Variants in RBFOX1 observed in about 807,000 individuals in gnomAD.
RBFOX1 encodes RNA binding protein fox-1 homolog 1.
RBFOX1 carries 8 observed loss-of-function variants against 57.7 expected under a neutral mutation model. The ratio of observed to expected loss-of-function variants is 0.14; its 90% CI spans 0.08 to 0.25. The LOEUF is 0.25. Ranked by LOEUF, RBFOX1 falls within the 10% of genes least tolerant of loss-of-function variation. The pLI is 1.00. For missense variants in RBFOX1, 611 were observed against 548.5 expected, an observed-to-expected ratio of 1.11 and a Z score of -1.14; for synonymous variants, 326 against 222.4, an observed-to-expected ratio of 1.47 and a Z score of -4.15.
intron 3 of RBFOX1, among the ~76,000 whole-genome samples, chr16:6,660,356 A>T (rs2098693355): frequency 6.6e-6 from 1 of 152,302 alleles, no homozygotes. Context: ...GATTACTTAT[A>T]TAACAAACCT....
intron 3 of RBFOX1, among the ~76,000 whole-genome samples, chr16:6,915,553 T>C (rs1445784186): frequency 0.045 from 915 of 20,254 alleles, 5 homozygotes; most frequent in Middle Eastern, 0.071. Flanking sequence ...CACCCCCCTT[T>C]TTTTTTTTTT....
intron 1 of RBFOX1, among the ~76,000 whole-genome samples, chr16:5,253,912 A>G (rs535172626): frequency 6.6e-6 from 1 of 152,250 alleles, no homozygotes; most frequent in Admixed American, 6.5e-5. Context: ...TCCTCAGGGA[A>G]GCCTGGCCAC....
intron 2 of RBFOX1, among the ~76,000 whole-genome samples, chr16:5,540,326 T>C (rs1002323535): frequency 6.6e-6 from 1 of 152,124 alleles, no homozygotes; most frequent in East Asian, 1.9e-4. Context: ...TTGGAAAAAA[T>C]TGGCATAGAC....
At chr16:6,059,686 C>G (rs1481271176) in intron 1 of RBFOX1, among the ~76,000 whole-genome samples, 3 of 152,046 alleles carry the variant, frequency 2.0e-5, no homozygotes, top group Admixed American at 2.0e-4. Context: ...TTTCTTCCTT[C>G]TTCTATATAC....
chr16:7,043,664 G>A (rs1001134305), intron 3 of RBFOX1, among the ~76,000 whole-genome samples: 1 of 152,172 alleles, frequency 6.6e-6, no homozygotes, highest in African/African-American at 2.4e-5. Flanking sequence ...CTGAAAACTG[G>A]ATTTTCCAAC....
At chr16:6,851,570 A>T (rs1467076655) in intron 3 of RBFOX1, among the ~76,000 whole-genome samples, 1 of 152,166 alleles carries the variant, frequency 6.6e-6, no homozygotes, top group African/African-American at 2.4e-5. Context: ...TCCTCTGCCA[A>T]ATTGTAAGAG....
At chr16:7,318,022 GTGA>G (rs2096477144) in intron 4 of RBFOX1, among the ~76,000 whole-genome samples, 1 of 151,930 alleles carries the variant, frequency 6.6e-6, no homozygotes, top group Non-Finnish European at 1.5e-5. Flanking sequence ...AGCGATGATG[GTGA>G]TGATGTGAAA....
At chr16:5,835,895 C>T (rs1406612501) in intron 3 of RBFOX1, among the ~76,000 whole-genome samples, 1 of 152,156 alleles carries the variant, frequency 6.6e-6, no homozygotes, top group Non-Finnish European at 1.5e-5. Context: ...GAGAGAGACA[C>T]CTGCCTGGCC....
At chr16:6,899,898 T>G (rs1212989875) in intron 3 of RBFOX1, among the ~76,000 whole-genome samples, 1 of 152,122 alleles carries the variant, frequency 6.6e-6, no homozygotes, top group Non-Finnish European at 1.5e-5. Context: ...TGAGAGAGAT[T>G]TTTTTGCCCA....
chr16:7,292,754 C>G (rs997545022), intron 4 of RBFOX1, among the ~76,000 whole-genome samples: 1 of 151,882 alleles, frequency 6.6e-6, no homozygotes, highest in South Asian at 2.1e-4. Flanking sequence ...CTGAAATAGT[C>G]TTGAATTATT....
chr16:6,402,640 C>G (rs2093121591), intron 2 of RBFOX1, among the ~76,000 whole-genome samples: 1 of 152,202 alleles, frequency 6.6e-6, no homozygotes, highest in African/African-American at 2.4e-5. Flanking sequence ...ACTGTCCACA[C>G]AATACCTATG....
intron 2 of RBFOX1, among the ~76,000 whole-genome samples, chr16:5,522,703 C>T (rs977037716): frequency 6.6e-6 from 1 of 152,200 alleles, no homozygotes; most frequent in African/African-American, 2.4e-5. Flanking sequence ...CCAGACACAA[C>T]CTTCCCCACC....
At chr16:5,630,743 C>A (rs1023380722) in intron 3 of RBFOX1, among the ~76,000 whole-genome samples, 1 of 152,148 alleles carries the variant, frequency 6.6e-6, no homozygotes, top group Admixed American at 6.5e-5. Flanking sequence ...CAGGCAGTAT[C>A]TGGAGGGCCA....
intron 4 of RBFOX1, among the ~76,000 whole-genome samples, chr16:7,105,685 T>A (rs1417414986): frequency 1.3e-5 from 2 of 152,050 alleles, no homozygotes; most frequent in African/African-American, 4.8e-5. Flanking sequence ...TATCTATCTG[T>A]CTATCTCTCT....
At chr16:5,959,871 T>C (rs2152286745) in intron 4 of RBFOX1, among the ~76,000 whole-genome samples, 1 of 152,126 alleles carries the variant, frequency 6.6e-6, no homozygotes, top group Non-Finnish European at 1.5e-5. Flanking sequence ...TGCCCCTCTC[T>C]CTCCCCATCC....
intron 3 of RBFOX1, among the ~76,000 whole-genome samples, chr16:6,689,958 C>T (rs958846886): frequency 6.6e-6 from 1 of 152,060 alleles, no homozygotes; most frequent in Non-Finnish European, 1.5e-5. Context: ...TTGACTGTTC[C>T]CCAGAGTATA....
At chr16:7,160,969 A>G (rs931201761) in intron 4 of RBFOX1, among the ~76,000 whole-genome samples, 2 of 152,102 alleles carry the variant, frequency 1.3e-5, no homozygotes, top group Admixed American at 6.5e-5. Context: ...CAAACCTTCA[A>G]TGGTTAGGAA....
chr16:6,786,013 G>A (rs1207282421), intron 3 of RBFOX1, among the ~76,000 whole-genome samples: 1 of 152,200 alleles, frequency 6.6e-6, no homozygotes, highest in African/African-American at 2.4e-5. Context: ...ACCCCATCTT[G>A]AGCTTAGAGA....
chr16:7,525,703 G>C (rs967196307), intron 5 of RBFOX1, among the ~76,000 whole-genome samples: 1 of 152,130 alleles, frequency 6.6e-6, no homozygotes, highest in Non-Finnish European at 1.5e-5. Flanking sequence ...GAAAAATTGA[G>C]GTGTGCTGCC....
Sources: allele counts gnomAD v4.1 joint callset (sites outside exome capture counted in the v4.1 genomes callset), GRCh38; gene constraint gnomAD v4.1.1; transcripts MANE v1.5; gene names NCBI Gene and HGNC (gene_info 2026-07-23, HGNC 2026-07-21).